USP34: variants seen among roughly 807,000 people sequenced by gnomAD.
The protein encoded by USP34 is ubiquitin specific peptidase 34, also known as ubiquitin carboxyl-terminal hydrolase 34.
A neutral mutation model predicts 460.3 loss-of-function variants in USP34; 70 were observed. The observed-to-expected ratio is 0.15, with a 90% CI of 0.13 to 0.19. The LOEUF (loss-of-function observed/expected upper bound fraction) is 0.19, where lower values mean the gene tolerates loss of function less well. USP34 is among the 10% of genes least tolerant of loss of function. The pLI is 1.00. For synonymous variants in USP34, 1,647 were observed against 1,405.3 expected (o/e 1.17, Z -3.85); for missense variants, 3,985 against 4,236.2 (o/e 0.94, Z 1.65).
rs1686535112 is a variant in USP34, at chr2:61,188,942, T to C, written c.10001A>G (p.Gln3334Arg). The C allele has an allele frequency of 6.2e-7, 1 of 1,614,100 alleles. No individual in the cohort carries two copies. The highest frequency in any genetic ancestry group is 8.5e-7 in the Non-Finnish European group (1 of 1,180,044). The change falls in exon 79 of 80, where the codon CAA becomes CGA. Residue 3334 changes from glutamine to arginine, a missense_variant. This residue lies in a region of USP34 where 506 missense variants were observed against 439.0 expected (regional missense o/e 1.15). Coordinates refer to ENST00000398571, the MANE Select transcript of USP34 (RefSeq NM_014709.4). ...TTTTCTTTCTTTGGCTTCTTGCTCT[T>C]GGAGTGAGTTTCTCTGTTGCAGACA... ...RTCLQQRNSL[Q>R]EQEAKERKTK...
At chr2:61,396,406 A>G (rs1028785379) in intron 3 of USP34, among the ~76,000 whole-genome samples, 6 of 152,200 alleles carry the variant, frequency 3.9e-5, no homozygotes, top group Non-Finnish European at 8.8e-5. Context: ...AAATATACGC[A>G]TAACGATGCT....
intron 75 of USP34, chr2:61,194,083 T>A: frequency 1.0e-6 from 1 of 984,908 alleles, no homozygotes; most frequent in African/African-American, 1.7e-5. Flanking sequence ...GCATGTGGGT[T>A]GTAATTTGCC....
At chr2:61,387,838 C>T (rs920420871) in intron 5 of USP34, among the ~76,000 whole-genome samples, 6 of 144,924 alleles carry the variant, frequency 4.1e-5, no homozygotes, top group African/African-American at 1.0e-4. Flanking sequence ...TATATTTTTA[C>T]GTATACACAC....
At chr2:61,256,091 C>T (rs1232571034) in intron 48 of USP34, among the ~76,000 whole-genome samples, 2 of 152,070 alleles carry the variant, frequency 1.3e-5, no homozygotes, top group Non-Finnish European at 2.9e-5. Flanking sequence ...ATCTGAGACT[C>T]GATACAGATA....
chr2:61,439,283 G>C (rs1391515045), intron 1 of USP34, among the ~76,000 whole-genome samples: 1 of 152,092 alleles, frequency 6.6e-6, no homozygotes, highest in African/African-American at 2.4e-5. Context: ...CCCTCCTCCT[G>C]CTGTGCCTCA....
chr2:61,345,032 G>C (rs991722301), intron 15 of USP34, among the ~76,000 whole-genome samples: 3 of 152,180 alleles, frequency 2.0e-5, no homozygotes, highest in African/African-American at 7.2e-5. Flanking sequence ...CAGCACTTTG[G>C]GAGGCCGAGG....
Position 61,265,347 on chromosome 2 carries a change from T to C in USP34, c.5778+50A>G, listed in dbSNP as rs368197088. 1.4e-5 allele frequency: 22 copies of C among 1,550,774 alleles called. No homozygotes were observed. The African/African-American group carries it at 3.1e-4, about 22-fold the overall frequency. The stretch of plus-strand genomic sequence containing the variant: ...TTGAAATAAAAATTTATCAACAAAA[T>C]ATTAAAATCTGGTTTATAATTTTGA... On this transcript the variant is annotated intron_variant, in intron 43 of 79. Transcript: ENST00000398571.
chr2:61,221,522 T>C lies in USP34; in HGVS notation c.7879A>G (p.Ile2627Val), dbSNP rs185481576. ...PPGMPPFASY[I>V]LQRIWEVIEY... ...CTTACCTCCCATATCCTCTGCAGAA[T>C]ATAAGATGCAAAGGGAGGCATTCCT... The change falls in exon 66 of 80, where the codon ATT becomes GTT. Residue 2627 changes from isoleucine (I) to valine (V), a missense_variant. This residue lies in a region of USP34 where 604 missense variants were observed against 684.8 expected (regional missense o/e 0.88). Transcript: ENST00000398571. The C allele has an allele frequency of 3.7e-4, 596 of 1,613,968 alleles. 2 individuals are homozygous for C. Among genetic ancestry groups the C allele is most frequent in the East Asian group, 2.7e-4 (12 of 44,858 alleles).
intron 3 of USP34, among the ~76,000 whole-genome samples, chr2:61,397,315 C>T (rs565317035): frequency 3.3e-5 from 5 of 151,866 alleles, no homozygotes; most frequent in Admixed American, 6.6e-5. Context: ...TGATGGTAGG[C>T]ACCTGTAATC....
chr2:61,353,551 C>T (rs1013868452), intron 10 of USP34, among the ~76,000 whole-genome samples: 9 of 150,938 alleles, frequency 6.0e-5, no homozygotes, highest in Non-Finnish European at 1.3e-4. Flanking sequence ...GCCACCACAC[C>T]CAGCTAGTTT....
At chr2:61,394,658 AG>A (rs2103901463) in intron 5 of USP34, among the ~76,000 whole-genome samples, 194 bp downstream of exon 5, 1 of 152,292 alleles carries the variant, frequency 6.6e-6, no homozygotes, top group African/African-American at 2.4e-5. Context: ...GCTTTAAAAC[AG>A]GTAACTTAAT....
intron 10 of USP34, among the ~76,000 whole-genome samples, chr2:61,360,243 C>G (rs1380465259): frequency 6.6e-6 from 1 of 151,894 alleles, no homozygotes; most frequent in African/African-American, 2.4e-5. Flanking sequence ...AAATAGAAAA[C>G]AGGAAAGAAA....
At chr2:61,212,347 T>A (rs1416034455) in intron 68 of USP34, among the ~76,000 whole-genome samples, 1 of 152,256 alleles carries the variant, frequency 6.6e-6, no homozygotes, top group Non-Finnish European at 1.5e-5. Flanking sequence ...ACTACTTTTG[T>A]AACTTCAAAT....
At chr2:61,430,212 C>CAT (rs1491583813) in intron 1 of USP34, among the ~76,000 whole-genome samples, 2 of 117,722 alleles carry the variant, frequency 1.7e-5, no homozygotes, top group East Asian at 2.4e-4. Context: ...GAGTCTTCGT[C>CAT]ACAAAAAAAA....
intron 41 of USP34, among the ~76,000 whole-genome samples, chr2:61,274,185 T>G (rs890954142): frequency 1.3e-5 from 2 of 151,076 alleles, no homozygotes; most frequent in Admixed American, 6.6e-5. Context: ...AGGTCAGGAG[T>G]TCAAAACCAG....
At position 61,296,801 on chromosome 2, in the gene USP34, T is replaced by C; in HGVS notation, c.4253A>G (p.Gln1418Arg). The change falls in exon 30 of 80, where the codon CAG becomes CGG. Residue 1418 changes from glutamine to arginine, a missense_variant and splice_region_variant. By Grantham distance (43) the Gln-to-Arg change is conservative. Around this residue, in one of 14 missense-constraint regions of USP34, gnomAD observed 1,114 missense variants for 1,122.5 expected, o/e 0.99. Transcript: ENST00000398571. ...LMAFQNISDEQSNDGFNWKEL... is the reference protein window; with the variant it reads ...LMAFQNISDERSNDGFNWKEL... ...AGTAAAGAGATTTTGTGGGCTCACC[T>C]GCTCATCTGAGATATTCTGGAATGC... 4 of 1,611,912 alleles carry C rather than the reference T, an allele frequency of 2.5e-6. No homozygotes were observed. The highest frequency in any genetic ancestry group is 3.4e-6 in the Non-Finnish European group (4 of 1,179,244).
chr2:61,441,626 C>T (rs1376828980), intron 1 of USP34, among the ~76,000 whole-genome samples: 2 of 151,394 alleles, frequency 1.3e-5, no homozygotes, highest in Admixed American at 1.3e-4. Flanking sequence ...TCAACAGGCA[C>T]AGAAATGCGT....
chr2:61,406,099 T>C lies in USP34; in HGVS notation c.161A>G (p.Lys54Arg), dbSNP rs1042129675. 3.7e-6 allele frequency: 6 copies of C among 1,611,530 alleles called. No individual in the cohort carries two copies. Among genetic ancestry groups the C allele is most frequent in the Non-Finnish European group, 5.1e-6 (6 of 1,179,192 alleles). ...TACTTGATTAAAAATCTCCAAATGC[T>C]TATATTCCTTGAAGCAGCATAGACA... ...RQCLCCFKEY[K>R]HLEIFNQVVC... is the part of the protein sequence containing the mutation. Residue 54 changes from lysine (K) to arginine (R), a missense_variant, in exon 3 of 80, where the codon AAG (lysine) becomes AGG (arginine). Coordinates refer to ENST00000398571, the MANE Select transcript of USP34 (RefSeq NM_014709.4).
intron 10 of USP34, among the ~76,000 whole-genome samples, chr2:61,368,124 G>C (rs1316674304): frequency 1.3e-5 from 2 of 152,148 alleles, no homozygotes; most frequent in African/African-American, 4.8e-5. Flanking sequence ...AGCCACCATG[G>C]ACAATATGTA....
Sources: gnomAD v4.1 joint callset for allele counts (sites outside exome capture counted in the v4.1 genomes callset) on GRCh38, gnomAD v4.1.1 for gene constraint, gnomAD v4.1.1 regional missense constraint, MANE v1.5 for transcripts, NCBI Gene and HGNC (gene_info 2026-07-23, HGNC 2026-07-21) for gene names.